Variants in AOPEP observed in about 807,000 individuals in gnomAD.
AOPEP encodes the protein aminopeptidase O.
AOPEP carries 77 observed loss-of-function variants against 98.1 expected under a neutral mutation model. That is an observed-to-expected ratio of 0.78 (90% confidence interval 0.65 to 0.95). The LOEUF is 0.95. Among genes scored for constraint, AOPEP ranks in the 40% least tolerant of loss-of-function variants. The pLI is 0.00. For synonymous variants in AOPEP, 346 were observed against 365.3 expected, an observed-to-expected ratio of 0.95 and a Z score of 0.60; for missense variants, 1,024 against 1,024.7, an observed-to-expected ratio of 1.00 and a Z score of 0.01.
At chr9:94,878,447 T>G (rs893415628) in intron 5 of AOPEP, among the ~76,000 whole-genome samples, 3 of 151,538 alleles carry the variant, frequency 2.0e-5, no homozygotes, top group African/African-American at 7.3e-5. Flanking sequence ...TGATGTTATT[T>G]CCCGAAGACC....
rs1015269498 is a variant in AOPEP at position 94,972,685 on chromosome 9, C to T, written c.1916+4884C>T. On this transcript the variant is annotated intron_variant, in intron 10 of 16. Coordinates refer to ENST00000375315, the MANE Select transcript of AOPEP (RefSeq NM_001193329.3). The surrounding 1 kb of genome is among the most constrained non-coding windows in gnomAD (Gnocchi z 4.2). Reference sequence around the variant, plus strand: ...GGGCACCGTGGCTCATGCCTGTAATCCCAGCACTTTGGGAGGCCAAGGTGG... The same window carrying T: ...GGGCACCGTGGCTCATGCCTGTAATTCCAGCACTTTGGGAGGCCAAGGTGG... Among the ~76,000 whole-genome samples, 1 of 152,198 alleles carries T rather than the reference C, an allele frequency of 6.6e-6. No individual in the cohort carries two copies. The highest frequency in any genetic ancestry group is 1.5e-5 in the Non-Finnish European group (1 of 68,046).
intron 11 of AOPEP, among the ~76,000 whole-genome samples, chr9:94,986,582 T>C (rs1046912117): frequency 1.3e-5 from 2 of 152,198 alleles, no homozygotes; most frequent in African/African-American, 4.8e-5. Context: ...TGTTAGTATC[T>C]AGTGAGTGCA....
the AOPEP span, among the ~76,000 whole-genome samples, chr9:95,119,011 T>G: frequency 6.6e-6 from 1 of 152,216 alleles, no homozygotes; most frequent in Non-Finnish European, 1.5e-5. Context: ...TTGTACCATC[T>G]TACGCCCACC....
chr9:95,101,550 T>TA, the AOPEP span: 1 of 878,606 alleles, frequency 1.1e-6, no homozygotes, highest in Non-Finnish European at 1.8e-6. Context: ...TTTTGTAAAA[T>TA]AGATACTAGC....
At chr9:95,083,037 A>T in intron 16 of AOPEP, 1 of 275,940 alleles carries the variant, frequency 3.6e-6, no homozygotes, top group Non-Finnish European at 6.9e-6. Flanking sequence ...TTGTGGGGGA[A>T]CATCTTGAGT....
intron 1 of AOPEP, among the ~76,000 whole-genome samples, chr9:94,734,525 C>A (rs1831303735): frequency 6.6e-6 from 1 of 152,070 alleles, no homozygotes; most frequent in Non-Finnish European, 1.5e-5. Context: ...CACAGGAAGC[C>A]CTGCAGTAAG....
chr9:94,807,779 T>C (rs901107607), intron 5 of AOPEP, among the ~76,000 whole-genome samples: 3 of 152,220 alleles, frequency 2.0e-5, no homozygotes, highest in African/African-American at 7.2e-5. Flanking sequence ...GTACTGCTGA[T>C]GTATGCATGT....
intron 11 of AOPEP, among the ~76,000 whole-genome samples, chr9:94,997,344 T>C (rs145622771): frequency 1.3e-5 from 2 of 152,336 alleles, no homozygotes; most frequent in African/African-American, 4.8e-5. Flanking sequence ...ATCTGCCAAA[T>C]TGGACTTACT....
chr9:95,027,617 T>C (rs1207110709), intron 13 of AOPEP, among the ~76,000 whole-genome samples: 1 of 152,230 alleles, frequency 6.6e-6, no homozygotes, highest in East Asian at 1.9e-4. Flanking sequence ...TTTGGGGTGC[T>C]TTAAATAATT....
At chr9:95,124,935 C>G in the AOPEP span, 4 of 717,668 alleles carry the variant, frequency 5.6e-6, no homozygotes, top group Non-Finnish European at 9.9e-6. Context: ...GTTAAAATGG[C>G]TTAACCTTTG....
intron 5 of AOPEP, among the ~76,000 whole-genome samples, chr9:94,844,814 G>C (rs890270524): frequency 1.1e-4 from 16 of 152,198 alleles, no homozygotes; most frequent in South Asian, 2.1e-4. Flanking sequence ...TGAGACTGGA[G>C]CAGGCCGGAT....
chr9:94,766,105 A>C (rs1839540315), intron 2 of AOPEP, among the ~76,000 whole-genome samples: 1 of 152,232 alleles, frequency 6.6e-6, no homozygotes, highest in Non-Finnish European at 1.5e-5. Context: ...GGGACTTAAT[A>C]TGTTTTTAAT....
chr9:94,727,266 T>G (rs772353927), intron 1 of AOPEP, among the ~76,000 whole-genome samples: 1 of 152,240 alleles, frequency 6.6e-6, no homozygotes, highest in Non-Finnish European at 1.5e-5. Context: ...ACTGTTAGTC[T>G]GGAGTTTTGT....
At chr9:95,048,312 G>A (rs950366889) in intron 13 of AOPEP, among the ~76,000 whole-genome samples, 7 of 152,172 alleles carry the variant, frequency 4.6e-5, no homozygotes, top group Non-Finnish European at 1.0e-4. Context: ...GACTGCCTTT[G>A]TTCTCAAAGC....
intron 1 of AOPEP, among the ~76,000 whole-genome samples, chr9:94,748,172 T>C (rs1466871398): frequency 2.0e-5 from 3 of 152,302 alleles, no homozygotes; most frequent in South Asian, 4.1e-4. Flanking sequence ...AAGGTATCAT[T>C]TCACTGTTTT....
rs372624139 is a variant in AOPEP, at chr9:94,908,106, C to T, written c.1365-15880C>T. Among the ~76,000 whole-genome samples the T allele has an allele frequency of 2.2e-4, 33 of 152,282 alleles. No homozygotes were observed. The East Asian group carries it at 2.5e-3, about 12-fold the overall frequency. ...GTTGCTTAACAGAGCAGAAGCTTCT[C>T]GAGAACAGAGAAGCCTAATGTTTCC... is the stretch of plus-strand genomic sequence containing the variant. On this transcript the variant is annotated intron_variant, in intron 5 of 16. Transcript: ENST00000375315.
At chr9:94,858,459 A>G (rs7870679) in intron 5 of AOPEP, among the ~76,000 whole-genome samples, 127,402 of 152,186 alleles carry the variant, frequency 0.84, 55,292 homozygotes, top group Non-Finnish European at 0.94. Context: ...GGCTAAAATC[A>G]AGGTGGCAGC....
At chr9:95,071,044 G>C (rs1206079999) in intron 14 of AOPEP, among the ~76,000 whole-genome samples, 1 of 152,216 alleles carries the variant, frequency 6.6e-6, no homozygotes, top group Non-Finnish European at 1.5e-5. Flanking sequence ...TATATTAACA[G>C]AAGGGCACCA....
intron 5 of AOPEP, among the ~76,000 whole-genome samples, chr9:94,895,609 G>T (rs1554760076): frequency 2.0e-5 from 3 of 151,304 alleles, no homozygotes; most frequent in Non-Finnish European, 4.4e-5. Flanking sequence ...TTTTTTTTGA[G>T]ACAGAGTCTC....
Sources: allele counts gnomAD v4.1 joint callset (sites outside exome capture counted in the v4.1 genomes callset), GRCh38; gene constraint gnomAD v4.1.1; non-coding constraint Gnocchi (gnomAD v3.1); transcripts MANE v1.5; gene names NCBI Gene and HGNC (gene_info 2026-07-23, HGNC 2026-07-21).